Variants in ANKDD1A observed in about 807,000 individuals in gnomAD.
The protein encoded by ANKDD1A is ankyrin repeat and death domain containing 1A.
A neutral mutation model predicts 63.5 loss-of-function variants in ANKDD1A; 59 were observed. That is an observed-to-expected ratio of 0.93 (90% CI 0.75 to 1.15). ANKDD1A has a LOEUF of 1.15. ANKDD1A is among the 50% of genes most tolerant of loss of function. The pLI is 0.00. For missense variants in ANKDD1A, 632 were observed against 656.4 expected (o/e 0.96, Z 0.41); for synonymous variants, 266 against 263.9 (o/e 1.01, Z -0.08).
At chr15:64,951,564 C>CTGCTTTTTTTCTTTT (rs1595858394) in intron 14 of ANKDD1A, 23 of 122,788 alleles carry the variant, frequency 1.9e-4, no homozygotes, top group African/African-American at 3.7e-4. Context: ...CTTTCTTTTT[C>CTGCTTTTTTTCTTTT]TTTTCTTTCT....
At chr15:64,952,871 C>T (rs1361066649) in intron 14 of ANKDD1A, among the ~76,000 whole-genome samples, 2 of 55,726 alleles carry the variant, frequency 3.6e-5, no homozygotes, top group Non-Finnish European at 7.2e-5. Context: ...TTCTTTTCTT[C>T]TCTTTCTTCT....
chr15:64,954,684 TCCTTCTCC>T (rs2085394341), intron 14 of ANKDD1A, among the ~76,000 whole-genome samples: 1 of 149,572 alleles, frequency 6.7e-6, no homozygotes, highest in African/African-American at 2.5e-5. Flanking sequence ...TCTTCTTCTC[TCCTTCTCC>T]TTGTTCTTCT....
chr15:64,944,784 A>C (rs2085210892), intron 12 of ANKDD1A, 37 bp downstream of exon 12: 1 of 1,602,992 alleles, frequency 6.2e-7, no homozygotes, highest in South Asian at 1.1e-5. Context: ...CCTCATTGGA[A>C]AGGGAGTGAT....
At chr15:64,951,671 TCTTTC>T (rs2085281805) in intron 14 of ANKDD1A, among the ~76,000 whole-genome samples, 1 of 63,200 alleles carries the variant, frequency 1.6e-5, no homozygotes, top group African/African-American at 3.3e-5. Flanking sequence ...TCTTTTTCTT[TCTTTC>T]CTTCTTTCTT....
chr15:64,927,031 C>G, intron 6 of ANKDD1A, 32 bp downstream of exon 6: 2 of 1,611,964 alleles, frequency 1.2e-6, no homozygotes, highest in Non-Finnish European at 1.7e-6. Context: ...GGGATCCTGA[C>G]CAGGGTGCAA....
At chr15:64,924,199 C>T (rs914367542) in intron 4 of ANKDD1A, among the ~76,000 whole-genome samples, 1 of 152,218 alleles carries the variant, frequency 6.6e-6, no homozygotes, top group Non-Finnish European at 1.5e-5. Context: ...TGGGATGGTG[C>T]AGCTGGTTTC....
At chr15:64,954,843 CTTCCTT>C (rs1166026725) in intron 14 of ANKDD1A, among the ~76,000 whole-genome samples, 24 of 120,578 alleles carry the variant, frequency 2.0e-4, no homozygotes, top group Admixed American at 3.0e-4. Flanking sequence ...GTTCTTTCTT[CTTCCTT>C]CTTCTTCTTT....
intron 14 of ANKDD1A, among the ~76,000 whole-genome samples, chr15:64,953,554 TCTTTCTTCCTCCTTCTTCTTAG>T (rs2085346684): frequency 1.2e-5 from 1 of 81,584 alleles, no homozygotes. Context: ...TCCTTCTCCT[TCTTTCTTCCTCCTTCTTCTTAG>T]TTCTTCTTCT....
intron 6 of ANKDD1A, among the ~76,000 whole-genome samples, 194 bp downstream of exon 6, chr15:64,927,193 C>G (rs548032723): frequency 6.6e-6 from 1 of 152,368 alleles, no homozygotes; most frequent in South Asian, 2.1e-4. Flanking sequence ...CCCTGTGCTA[C>G]AGGTTGGTGG....
intron 9 of ANKDD1A, among the ~76,000 whole-genome samples, chr15:64,939,045 C>T (rs541108880): frequency 6.6e-6 from 1 of 151,924 alleles, no homozygotes; most frequent in African/African-American, 2.4e-5. Flanking sequence ...AAACATCATA[C>T]TAATTAAGAT....
In ANKDD1A at chr15:64,943,310, T is replaced by C. The variant is rs11631234; in HGVS notation, c.967-174T>C. 3,709 of 625,048 alleles carry C rather than the reference T, an allele frequency of 5.9e-3. 19 individuals carry two copies. Among genetic ancestry groups the C allele is most frequent in the Non-Finnish European group, 8.1e-3 (2,871 of 353,874 alleles). The allele number at this position is 625,048 out of a possible 1,614,324, so 38.7% of individuals were successfully genotyped here. Reference sequence around the variant, plus strand: ...TCATGTTGGGGTAAAAAAATTAAGATGTAAAATGTACATATAAGATGATCT... The same window carrying C: ...TCATGTTGGGGTAAAAAAATTAAGACGTAAAATGTACATATAAGATGATCT... On this transcript the variant is annotated intron_variant, in intron 10 of 14. Transcript: ENST00000319580.
rs1173981249 is a variant in ANKDD1A at position 64,953,934 on chromosome 15, T to TC, written c.1484-3169_1484-3168insC. Reference sequence around the variant, plus strand: ...TTCTTTCTTCTCTTTTTCTTTTTTCTTTTCTTCCTCTTCTTCTATTGTTTC... The same window carrying TC: ...TTCTTTCTTCTCTTTTTCTTTTTTCTCTTTCTTCCTCTTCTTCTATTGTTTC... On this transcript the variant is annotated intron_variant, in intron 14 of 14. Transcript: ENST00000319580. Among the ~76,000 whole-genome samples the TC allele has an allele frequency of 6.9e-3, 877 of 126,762 alleles. 9 individuals carry two copies. The highest frequency in any genetic ancestry group is 0.011 in the Non-Finnish European group (645 of 59,250). 83.2% of individuals were successfully genotyped at this position (126,762 alleles called of 152,430 possible).
chr15:64,943,839 TG>T, intron 11 of ANKDD1A: 1 of 494,556 alleles, frequency 2.0e-6, no homozygotes. Flanking sequence ...TTCTCCTTTA[TG>T]GCCCCCATCA....
chr15:64,940,394 T>TGGTAGATAGATA (rs1555442484), intron 9 of ANKDD1A, among the ~76,000 whole-genome samples: 1 of 93,066 alleles, frequency 1.1e-5, no homozygotes, highest in African/African-American at 3.6e-5. Flanking sequence ...ATAGGATGAT[T>TGGTAGATAGATA]GATAGATAGA....
chr15:64,952,006 C>T (rs1232518673), intron 14 of ANKDD1A, among the ~76,000 whole-genome samples: 1 of 146,244 alleles, frequency 6.8e-6, no homozygotes, highest in Admixed American at 6.9e-5. Flanking sequence ...TTTCTTTCTT[C>T]TTCCATCTTC....
At chr15:64,912,111 C>A (rs1006013945) in intron 1 of ANKDD1A, 147 bp downstream of exon 1, 2 of 822,528 alleles carry the variant, frequency 2.4e-6, no homozygotes, top group Non-Finnish European at 3.3e-6. Context: ...GAATGGTTAC[C>A]GGTCCGCGCA....
Position 64,948,480 on chromosome 15 carries a change from T to G in ANKDD1A, c.1351+887T>G, listed in dbSNP as rs1394571412. The stretch of plus-strand genomic sequence containing the variant: ...TTCTGGGGGAAAACAATAAAGGGGA[T>G]CTAACCCAAGCAGACTCAGCCTTTT... On this transcript the variant is annotated intron_variant, in intron 13 of 14. Coordinates refer to ENST00000319580, the MANE Select transcript of ANKDD1A (RefSeq NM_182703.6). Among the ~76,000 whole-genome samples the G allele has an allele frequency of 3.9e-5, 6 of 152,036 alleles. No homozygotes were observed. The South Asian group carries it at 1.0e-3, about 26-fold the overall frequency.
intron 9 of ANKDD1A, 103 bp downstream of exon 9, chr15:64,934,337 G>A (rs1425404706): frequency 2.7e-6 from 3 of 1,103,634 alleles, no homozygotes; most frequent in Non-Finnish European, 3.9e-6. Context: ...CCTTGGGGTT[G>A]GGGTGCGGAC....
intron 9 of ANKDD1A, among the ~76,000 whole-genome samples, chr15:64,942,171 G>A (rs1304358138): frequency 6.6e-6 from 1 of 152,276 alleles, no homozygotes; most frequent in East Asian, 1.9e-4. Context: ...TCACTTGCCA[G>A]ATGAAGAGTA....
Sources: gnomAD v4.1 joint callset for allele counts (sites outside exome capture counted in the v4.1 genomes callset) on GRCh38, gnomAD v4.1.1 for gene constraint, MANE v1.5 for transcripts, NCBI Gene and HGNC (gene_info 2026-07-23, HGNC 2026-07-21) for gene names.